Variants in FBXO11 observed in about 807,000 individuals in gnomAD.
FBXO11 encodes F-box only protein 11.
In FBXO11, 13 loss-of-function variants were observed where a neutral mutation model predicts 117.0. The observed-to-expected ratio is 0.11, with a 90% CI of 0.07 to 0.18. The LOEUF is 0.18. FBXO11 is among the 10% of genes least tolerant of loss of function. The pLI is 1.00. For synonymous variants in FBXO11, 490 were observed against 380.5 expected (o/e 1.29, Z -3.35); for missense variants, 767 against 1,164.4 (o/e 0.66, Z 4.97).
Position 47,808,003 on chromosome 2 carries a change from C to G in FBXO11, c.*115G>C, listed in dbSNP as rs961041550. 1 of 930,368 alleles carries G rather than the reference C, an allele frequency of 1.1e-6. No homozygotes were observed. 57.6% of individuals were successfully genotyped at this position (930,368 alleles called of 1,614,324 possible). ...CATAGTGTCAACTGACCTTGTGTATCCATTTTTAATACAGTCTCTTCCTGT... is the reference window on the plus strand; with the variant it reads ...CATAGTGTCAACTGACCTTGTGTATGCATTTTTAATACAGTCTCTTCCTGT... On this transcript the variant is annotated 3_prime_UTR_variant, in exon 23 of 23. Transcript: ENST00000403359.
intron 11 of FBXO11, among the ~76,000 whole-genome samples, chr2:47,829,877 A>G (rs887005778): frequency 1.3e-5 from 2 of 152,208 alleles, no homozygotes; most frequent in Admixed American, 6.5e-5. Flanking sequence ...AAGGCAGACA[A>G]TAGGTACCTG....
intron 4 of FBXO11, among the ~76,000 whole-genome samples, chr2:47,838,649 G>A (rs907926009): frequency 6.6e-6 from 1 of 152,144 alleles, no homozygotes; most frequent in Non-Finnish European, 1.5e-5. Flanking sequence ...GCTATTAACT[G>A]ATAAACAGCA....
At chr2:47,846,322 C>T (rs553717788) in intron 1 of FBXO11, among the ~76,000 whole-genome samples, 8 of 152,240 alleles carry the variant, frequency 5.3e-5, no homozygotes, top group East Asian at 3.9e-4. Flanking sequence ...ACAAAATTAG[C>T]CAGGTTTGGT....
chr2:47,816,113 T>C (rs1670987630), intron 16 of FBXO11, among the ~76,000 whole-genome samples: 1 of 152,212 alleles, frequency 6.6e-6, no homozygotes, highest in African/African-American at 2.4e-5. Flanking sequence ...CTGCCAGTAC[T>C]ACAATTTTGC....
At chr2:47,821,298 C>T (rs1428332123) in intron 13 of FBXO11, among the ~76,000 whole-genome samples, 1 of 151,844 alleles carries the variant, frequency 6.6e-6, no homozygotes, top group Non-Finnish European at 1.5e-5. Context: ...GCCAACATGG[C>T]AAAACCTGTC....
chr2:47,881,867 C>G (rs1295257725), intron 1 of FBXO11, among the ~76,000 whole-genome samples: 1 of 152,120 alleles, frequency 6.6e-6, no homozygotes, highest in Admixed American at 6.5e-5. Context: ...CGTGCCTCAG[C>G]CTCCCAAGTA....
chr2:47,902,116 A>G (rs1678343054), intron 1 of FBXO11, among the ~76,000 whole-genome samples: 1 of 151,720 alleles, frequency 6.6e-6, no homozygotes, highest in Non-Finnish European at 1.5e-5. Context: ...TTGTATTTCT[A>G]GTTAAGACGA....
chr2:47,823,370 A>T lies in FBXO11; in HGVS notation c.1399-10T>A. On this transcript the variant is annotated splice_polypyrimidine_tract_variant and intron_variant, in intron 11 of 22. Coordinates refer to ENST00000403359, the MANE Select transcript of FBXO11 (RefSeq NM_001190274.2). ...AACTTTCAAAGTAACCCTGAAAAAT[A>T]CAGAAATTAAATCTGTAGGTAAAGC... 1 of 1,577,794 alleles carries T rather than the reference A, an allele frequency of 6.3e-7. No individual in the cohort carries two copies. Among genetic ancestry groups the T allele is most frequent in the East Asian group, 2.3e-5 (1 of 44,426 alleles).
At chr2:47,901,130 TGTATATATATACACACGTGTGTAC>T (rs1553362654) in intron 1 of FBXO11, among the ~76,000 whole-genome samples, 5 of 111,956 alleles carry the variant, frequency 4.5e-5, no homozygotes, top group East Asian at 4.7e-4. Context: ...CGTGTGTACA[TGTATATATATACACACGTGTGTAC>T]ATATATACAT....
At chr2:47,854,860 T>G (rs1572850747) in intron 1 of FBXO11, among the ~76,000 whole-genome samples, 1 of 38,046 alleles carries the variant, frequency 2.6e-5, no homozygotes, top group South Asian at 2.8e-3. Context: ...TGTTTTTTTT[T>G]TTGTTTTTTT....
intron 11 of FBXO11, among the ~76,000 whole-genome samples, chr2:47,826,177 G>C (rs530084992): frequency 6.6e-6 from 1 of 151,862 alleles, no homozygotes; most frequent in Non-Finnish European, 1.5e-5. Context: ...TCCTGCCTTA[G>C]CCTCCCGAGT....
intron 1 of FBXO11, among the ~76,000 whole-genome samples, chr2:47,854,851 GTTTTTT>G: frequency 1.3e-5 from 1 of 75,180 alleles, no homozygotes; most frequent in East Asian, 5.2e-4. Flanking sequence ...TCTTTATTCT[GTTTTTT>G]TTTTTGTTTT....
intron 1 of FBXO11, among the ~76,000 whole-genome samples, chr2:47,868,345 T>C (rs1675356893): frequency 1.3e-5 from 2 of 151,566 alleles, no homozygotes; most frequent in South Asian, 4.2e-4. Flanking sequence ...AGCTTTCATG[T>C]TCTTCTCATT....
intron 1 of FBXO11, among the ~76,000 whole-genome samples, chr2:47,894,609 C>T (rs1457582540): frequency 6.6e-6 from 1 of 152,140 alleles, no homozygotes; most frequent in Non-Finnish European, 1.5e-5. Context: ...AACCTACAAT[C>T]TTTGAGGGGA....
chr2:47,896,955 T>A (rs889082474), intron 1 of FBXO11, among the ~76,000 whole-genome samples: 1 of 152,218 alleles, frequency 6.6e-6, no homozygotes, highest in Non-Finnish European at 1.5e-5. Flanking sequence ...ATGATAGAAG[T>A]CTGGAAAGAC....
At chr2:47,882,341 G>A (rs1211238917) in intron 1 of FBXO11, among the ~76,000 whole-genome samples, 1 of 152,186 alleles carries the variant, frequency 6.6e-6, no homozygotes, top group Non-Finnish European at 1.5e-5. Context: ...GGGGTAGTTA[G>A]GAAGGTTTCT....
chr2:47,871,021 G>C (rs1226428085), intron 1 of FBXO11, among the ~76,000 whole-genome samples: 1 of 152,204 alleles, frequency 6.6e-6, no homozygotes, highest in Non-Finnish European at 1.5e-5. Flanking sequence ...AGGGGTTTTA[G>C]AAAGTCCACA....
At chr2:47,838,731 A>G (rs1672782794) in intron 4 of FBXO11, 128 bp downstream of exon 4, 7 of 750,946 alleles carry the variant, frequency 9.3e-6, no homozygotes, top group Non-Finnish European at 1.5e-5. Context: ...CTTGGAATTG[A>G]TAAGCATTTT....
At chr2:47,813,527 G>C in intron 17 of FBXO11, 150 bp from the exon 18 acceptor site, 1 of 589,878 alleles carries the variant, frequency 1.7e-6, no homozygotes, top group African/African-American at 2.1e-5. Flanking sequence ...CACCTCCCGG[G>C]TTCAAGTGAT....
Sources: allele counts gnomAD v4.1 joint callset (sites outside exome capture counted in the v4.1 genomes callset), GRCh38; gene constraint gnomAD v4.1.1; transcripts MANE v1.5; gene names NCBI Gene and HGNC (gene_info 2026-07-23, HGNC 2026-07-21).